PDE1A: variants seen among roughly 807,000 people sequenced by gnomAD.
PDE1A encodes the protein phosphodiesterase 1A, also known as dual specificity calcium/calmodulin-dependent 3',5'-cyclic nucleotide phosphodiesterase 1A.
In PDE1A, 35 loss-of-function variants were observed where a neutral mutation model predicts 61.7. The observed-to-expected ratio is 0.57, with a 90% confidence interval of 0.43 to 0.75. PDE1A has a LOEUF of 0.75. PDE1A is among the 30% of genes least tolerant of loss of function. PDE1A has a pLI of 0.00. For missense variants in PDE1A, 597 were observed against 630.6 expected, an observed-to-expected ratio of 0.95 and a Z score of 0.57; for synonymous variants, 232 against 213.2, an observed-to-expected ratio of 1.09 and a Z score of -0.77.
the PDE1A span, among the ~76,000 whole-genome samples, chr2:182,646,175 G>A: frequency 6.6e-6 from 1 of 151,976 alleles, no homozygotes; most frequent in African/African-American, 2.4e-5. Context: ...TAAGGAAAAT[G>A]GGCAGGGCAT....
intron 10 of PDE1A, 21 bp downstream of exon 10, chr2:182,201,418 C>T (rs1165388804): frequency 3.1e-6 from 5 of 1,612,470 alleles, no homozygotes; most frequent in Non-Finnish European, 4.2e-6. Context: ...AAAACATTTG[C>T]ACAGAGTGTG....
chr2:182,435,291 A>C (rs569345949), intron 2 of PDE1A, among the ~76,000 whole-genome samples: 165 of 152,236 alleles, frequency 1.1e-3, no homozygotes, highest in African/African-American at 3.8e-3. Context: ...GGAACATTGC[A>C]AAAAGAAGTC....
the PDE1A span, among the ~76,000 whole-genome samples, chr2:182,572,702 C>G: frequency 6.6e-6 from 1 of 151,906 alleles, no homozygotes; most frequent in African/African-American, 2.4e-5. Flanking sequence ...AACCCCGTCT[C>G]TACTAAAAAT....
the PDE1A span, among the ~76,000 whole-genome samples, chr2:182,551,315 C>G: frequency 3.3e-5 from 5 of 152,084 alleles, no homozygotes; most frequent in African/African-American, 1.2e-4. Flanking sequence ...TTGGAGGAAT[C>G]ATCTTTGCCA....
the PDE1A span, among the ~76,000 whole-genome samples, chr2:182,592,096 C>A: frequency 6.6e-6 from 1 of 152,178 alleles, no homozygotes; most frequent in South Asian, 2.1e-4. Context: ...CAAATAAACA[C>A]TTTTTCTCTA....
chr2:182,387,227 G>T (rs188016605), intron 1 of PDE1A, among the ~76,000 whole-genome samples: 2 of 152,112 alleles, frequency 1.3e-5, no homozygotes, highest in African/African-American at 2.4e-5. Context: ...CAGCATACTC[G>T]TTAAGAGTCA....
intron 2 of PDE1A, among the ~76,000 whole-genome samples, chr2:182,256,620 C>T (rs1691838678): frequency 6.6e-6 from 1 of 151,980 alleles, no homozygotes; most frequent in Admixed American, 6.5e-5. Flanking sequence ...CCCAAATGTC[C>T]AGCAATGATA....
chr2:182,309,470 C>A (rs1156832565), intron 1 of PDE1A, among the ~76,000 whole-genome samples: 1 of 151,890 alleles, frequency 6.6e-6, no homozygotes, highest in East Asian at 1.9e-4. Flanking sequence ...TAAAATAAAA[C>A]AAAACAAATA....
At chr2:182,331,361 A>AT (rs1293875606) in intron 1 of PDE1A, among the ~76,000 whole-genome samples, 1 of 152,186 alleles carries the variant, frequency 6.6e-6, no homozygotes, top group Non-Finnish European at 1.5e-5. Context: ...TTTAAGGTTA[A>AT]TATTGTTATG....
At chr2:182,630,455 C>T in the PDE1A span, among the ~76,000 whole-genome samples, 1 of 152,102 alleles carries the variant, frequency 6.6e-6, no homozygotes, top group Non-Finnish European at 1.5e-5. Flanking sequence ...TTCTTTTCCA[C>T]TGATCTATTC....
intron 1 of PDE1A, among the ~76,000 whole-genome samples, chr2:182,265,568 T>C (rs1692575242): frequency 6.6e-6 from 1 of 152,110 alleles, no homozygotes; most frequent in Admixed American, 6.6e-5. Flanking sequence ...GCTAGATGCC[T>C]GAGTTACAGA....
At chr2:182,680,240 G>T in the PDE1A span, among the ~76,000 whole-genome samples, 1 of 150,160 alleles carries the variant, frequency 6.7e-6, no homozygotes, top group African/African-American at 2.5e-5. Context: ...TTGAGACAGG[G>T]TCTTGCTCTG....
intron 2 of PDE1A, among the ~76,000 whole-genome samples, chr2:182,476,025 C>A (rs1687336414): frequency 6.6e-6 from 1 of 151,652 alleles, no homozygotes; most frequent in Non-Finnish European, 1.5e-5. Flanking sequence ...TCCAAAAGAA[C>A]ATATTAAAAG....
At chr2:182,394,291 T>C (rs1216297546) in intron 1 of PDE1A, among the ~76,000 whole-genome samples, 1 of 152,158 alleles carries the variant, frequency 6.6e-6, no homozygotes, top group East Asian at 1.9e-4. Context: ...AAGGCATGTC[T>C]TACATGGTGG....
Position 182,421,102 on chromosome 2 carries a change from C to T in PDE1A, c.53+5476G>A, listed in dbSNP as rs138123320. ...GTATGACTGTTTCTTCTTTTCATTG[C>T]TTTTTACCTAAACACTATGTGAAGT... On this transcript the variant is annotated intron_variant, in intron 1 of 13. Transcript: ENST00000351439. 1.4e-3 allele frequency among the ~76,000 whole-genome samples: 215 copies of T among 152,224 alleles called. 1 individual carries two copies. In the East Asian group the frequency reaches 0.022, roughly 16 times the overall value.
intron 1 of PDE1A, among the ~76,000 whole-genome samples, chr2:182,283,058 T>G (rs1449882874): frequency 6.6e-6 from 1 of 151,996 alleles, no homozygotes; most frequent in African/African-American, 2.4e-5. Context: ...GTAAATACCT[T>G]AGGTGTTAAT....
the PDE1A span, among the ~76,000 whole-genome samples, chr2:182,662,488 G>T: frequency 6.6e-6 from 1 of 152,116 alleles, no homozygotes; most frequent in Non-Finnish European, 1.5e-5. Context: ...TACAAAAACA[G>T]ACACATAGAC....
intron 13 of PDE1A, among the ~76,000 whole-genome samples, chr2:182,174,580 A>G (rs1366435556): frequency 6.6e-6 from 1 of 152,080 alleles, no homozygotes; most frequent in Non-Finnish European, 1.5e-5. Context: ...CAAATTCACT[A>G]TTCATACTCT....
At chr2:182,387,437 AAGAG>A (rs1388033715) in intron 1 of PDE1A, among the ~76,000 whole-genome samples, 21 of 152,044 alleles carry the variant, frequency 1.4e-4, no homozygotes, top group Admixed American at 1.3e-3. Flanking sequence ...AGAAGAAAGA[AAGAG>A]AGAAAGAAAG....
Sources: allele counts gnomAD v4.1 joint callset (sites outside exome capture counted in the v4.1 genomes callset), GRCh38; gene constraint gnomAD v4.1.1; transcripts MANE v1.5; gene names NCBI Gene and HGNC (gene_info 2026-07-23, HGNC 2026-07-21).